The following GLB1 variants were observed in gnomAD, a reference collection of about 807,000 sequenced individuals.
The protein encoded by GLB1 is galactosidase beta 1, also known as beta-galactosidase.
In GLB1, 56 loss-of-function variants were observed where a neutral mutation model predicts 74.0. The ratio of observed to expected loss-of-function variants is 0.76; its 90% CI spans 0.61 to 0.94. GLB1 has a LOEUF of 0.94. GLB1 is among the 40% of genes least tolerant of loss of function. The probability of loss-of-function intolerance (pLI) is 0.00; values close to 1 mark genes in which losing one functional copy is unlikely to be tolerated. For synonymous variants in GLB1, 323 were observed against 323.6 expected, an observed-to-expected ratio of 1.00 and a Z score of 0.02; for missense variants, 787 against 845.5, an observed-to-expected ratio of 0.93 and a Z score of 0.86.
chr3:33,059,200 A>T (rs1180020881), intron 5 of GLB1, among the ~76,000 whole-genome samples: 1 of 151,158 alleles, frequency 6.6e-6, no homozygotes, highest in African/African-American at 2.4e-5. Context: ...GTAAAAATTG[A>T]TGCTTTGGGG....
chr3:33,087,587 A>AGTG (rs1700566248), intron 1 of GLB1, among the ~76,000 whole-genome samples: 3 of 102,230 alleles, frequency 2.9e-5, no homozygotes, highest in East Asian at 5.7e-4. Context: ...GCGCACACAC[A>AGTG]CACACACACA....
chr3:33,092,812 A>G (rs1700822430), intron 1 of GLB1: 1 of 1,569,632 alleles, frequency 6.4e-7, no homozygotes, highest in Admixed American at 1.8e-5. Context: ...GGCAGGGCAG[A>G]GGTGCACAGG....
At chr3:33,042,234 A>C (rs1038950302) in intron 10 of GLB1, among the ~76,000 whole-genome samples, 1 of 152,080 alleles carries the variant, frequency 6.6e-6, no homozygotes, top group Non-Finnish European at 1.5e-5. Flanking sequence ...GCTTTAATAG[A>C]ATGCTTTAAC....
chr3:32,977,823 A>G, the GLB1 span, among the ~76,000 whole-genome samples: 3 of 152,166 alleles, frequency 2.0e-5, no homozygotes, highest in East Asian at 5.8e-4. Context: ...AGGGGAAACT[A>G]GCTCTTGGGA....
intron 10 of GLB1, among the ~76,000 whole-genome samples, chr3:33,042,460 C>T (rs1376796516): frequency 1.9e-4 from 28 of 151,028 alleles, no homozygotes; most frequent in Non-Finnish European, 3.5e-4. Flanking sequence ...CTCCACCTCC[C>T]GGGTTCACGC....
At chr3:32,982,507 CA>C in the GLB1 span, among the ~76,000 whole-genome samples, 2 of 150,998 alleles carry the variant, frequency 1.3e-5, no homozygotes, top group African/African-American at 2.4e-5. Flanking sequence ...CAAACAACAA[CA>C]AAAAAAACCA....
At chr3:32,966,913 G>A in the GLB1 span, among the ~76,000 whole-genome samples, 2 of 152,164 alleles carry the variant, frequency 1.3e-5, no homozygotes, top group Non-Finnish European at 2.9e-5. Context: ...TGCCATGATT[G>A]TGAGGCCTCC....
At chr3:32,987,933 C>G in the GLB1 span, among the ~76,000 whole-genome samples, 1 of 151,732 alleles carries the variant, frequency 6.6e-6, no homozygotes, top group Non-Finnish European at 1.5e-5. Flanking sequence ...GCCTGTAATC[C>G]CAGGATTTTG....
chr3:33,089,820 A>G (rs1467371527), intron 1 of GLB1, among the ~76,000 whole-genome samples: 1 of 152,242 alleles, frequency 6.6e-6, no homozygotes, highest in Admixed American at 6.5e-5. Flanking sequence ...CTACAGATCA[A>G]TTAGATCAAT....
At chr3:33,031,836 T>C (rs57888173) in intron 10 of GLB1, among the ~76,000 whole-genome samples, 140,916 of 151,178 alleles carry the variant, frequency 0.93, 66,499 homozygotes, top group East Asian at 1. Flanking sequence ...TTGCTCTTGT[T>C]ACCCAGGCTG....
At chr3:33,091,280 C>G (rs562176735) in intron 1 of GLB1, 1 of 985,298 alleles carries the variant, frequency 1.0e-6, no homozygotes, top group South Asian at 4.7e-5. Context: ...TGCCTGGGAA[C>G]AAAAAGGGTG....
intron 10 of GLB1, among the ~76,000 whole-genome samples, chr3:33,024,880 C>G (rs991799174): frequency 6.6e-6 from 1 of 151,826 alleles, no homozygotes; most frequent in Non-Finnish European, 1.5e-5. Context: ...AGTCTATGCA[C>G]GAGTGATGAA....
chr3:33,029,462 T>A (rs983550130), intron 10 of GLB1, among the ~76,000 whole-genome samples: 2 of 152,144 alleles, frequency 1.3e-5, no homozygotes, highest in African/African-American at 2.4e-5. Context: ...TATAAACCTA[T>A]TCCAGAGAGT....
intron 1 of GLB1, chr3:33,091,710 G>A: frequency 3.0e-6 from 3 of 985,368 alleles, no homozygotes; most frequent in South Asian, 9.4e-5. Context: ...ACCCAACGCT[G>A]CCCTATGAGT....
the GLB1 span, among the ~76,000 whole-genome samples, chr3:32,982,481 AAAAAC>A: frequency 3.8e-5 from 5 of 130,650 alleles, no homozygotes; most frequent in African/African-American, 1.6e-4. Context: ...AAACAAAAAC[AAAAAC>A]AAAACAAAAA....
At chr3:33,087,579 G>GCACACACACACACACA (rs57935919) in intron 1 of GLB1, among the ~76,000 whole-genome samples, 1 of 141,802 alleles carries the variant, frequency 7.1e-6, no homozygotes, top group Non-Finnish European at 1.5e-5. Context: ...CAGCATGCGC[G>GCACACACACACACACA]CACACACACA....
At chr3:33,028,730 A>C (rs1697882725) in intron 10 of GLB1, among the ~76,000 whole-genome samples, 1 of 151,780 alleles carries the variant, frequency 6.6e-6, no homozygotes, top group South Asian at 2.1e-4. Context: ...CAATGGCACA[A>C]TCTCGGCTCA....
rs2125495909 is a variant in GLB1, at chr3:33,034,126, G to C, written c.1069-9801C>G. 3.1e-5 allele frequency: 19 copies of C among 618,596 alleles called. 1 individual carries two copies. Among genetic ancestry groups the C allele is most frequent in the South Asian group, 2.6e-4 (16 of 62,602 alleles). The allele number at this position is 618,596 out of a possible 1,614,324, so 38.3% of individuals were successfully genotyped here. A position where few individuals can be genotyped will look rare whatever the true frequency, so the allele number is the denominator to read the frequency against. On this transcript the variant is annotated intron_variant, in intron 10 of 15. Transcript: ENST00000307363. ...ATTGGAAAGTCATTATCTGGAAAGA[G>C]GAAAACGGCACCTGGGAGAAGACCC...
chr3:33,088,420 GAACT>G (rs763145374), intron 1 of GLB1, among the ~76,000 whole-genome samples: 25 of 146,828 alleles, frequency 1.7e-4, no homozygotes, highest in Non-Finnish European at 2.4e-4. Context: ...CAAACTGTTA[GAACT>G]AATAAATGAA....
Sources: allele counts gnomAD v4.1 joint callset (sites outside exome capture counted in the v4.1 genomes callset), GRCh38; gene constraint gnomAD v4.1.1; transcripts MANE v1.5; gene names NCBI Gene and HGNC (gene_info 2026-07-23, HGNC 2026-07-21).